Variants in CADM2 observed in about 807,000 individuals in gnomAD.
CADM2 encodes immunoglobulin superfamily member 4D.
In CADM2, 12 loss-of-function variants were observed where a neutral mutation model predicts 49.8. The ratio of observed to expected loss-of-function variants is 0.24; its 90% CI spans 0.15 to 0.39. CADM2 has a LOEUF of 0.39. Among genes scored for constraint, CADM2 ranks in the 10% least tolerant of loss-of-function variants. The probability of loss-of-function intolerance (pLI) is 1.00; values close to 1 mark genes in which losing one functional copy is unlikely to be tolerated. For synonymous variants in CADM2, 214 were observed against 175.4 expected, an observed-to-expected ratio of 1.22 and a Z score of -1.74; for missense variants, 378 against 492.3, an observed-to-expected ratio of 0.77 and a Z score of 2.20.
intron 8 of CADM2, among the ~76,000 whole-genome samples, chr3:86,040,032 A>G (rs1735666321): frequency 6.6e-6 from 1 of 152,234 alleles, no homozygotes; most frequent in African/African-American, 2.4e-5. Context: ...CCTGACTGTT[A>G]GAAGGAAAAC....
chr3:86,066,332 C>CAAAA lies in CADM2; in HGVS notation c.1097-310_1097-307dup, dbSNP rs10663610. Reference sequence around the variant, plus strand: ...TGGGCGAGAGAGCGAGACTCCGTCTCAAAAAAAAAAAAAAAAAAAAAAAAA... The same window carrying CAAAA: ...TGGGCGAGAGAGCGAGACTCCGTCTCAAAAAAAAAAAAAAAAAAAAAAAAAAAAA... On this transcript the variant is annotated intron_variant, in intron 9 of 9. Transcript: ENST00000383699. 6.9e-3 allele frequency among the ~76,000 whole-genome samples: 209 copies of CAAAA among 30,354 alleles called. 43 individuals are homozygous for CAAAA. The highest frequency in any genetic ancestry group is 0.021 in the African/African-American group (97 of 4,672). 19.9% of individuals were successfully genotyped at this position (30,354 alleles called of 152,430 possible).
At chr3:85,392,959 C>T (rs1328091753) in intron 1 of CADM2, among the ~76,000 whole-genome samples, 2 of 151,240 alleles carry the variant, frequency 1.3e-5, no homozygotes, top group Admixed American at 6.6e-5. Context: ...GATTCCTTGC[C>T]CTATTTAGTG....
intron 1 of CADM2, among the ~76,000 whole-genome samples, chr3:85,383,503 C>CATATATATATATATATATATAT (rs1241135851): frequency 1.6e-4 from 18 of 109,222 alleles, no homozygotes; most frequent in East Asian, 6.1e-4. Context: ...TACATAAAAC[C>CATATATATATATATATATATAT]ATATATATAT....
intron 1 of CADM2, among the ~76,000 whole-genome samples, chr3:85,530,907 C>CACACACAA (rs1488006418): frequency 7.6e-6 from 1 of 131,816 alleles, no homozygotes; most frequent in Non-Finnish European, 1.5e-5. Flanking sequence ...CACACACACA[C>CACACACAA]ACACACAAAA....
chr3:85,272,103 T>C (rs776357042), intron 1 of CADM2, among the ~76,000 whole-genome samples: 4 of 148,444 alleles, frequency 2.7e-5, no homozygotes, highest in Non-Finnish European at 6.0e-5. Context: ...AAAAAAAGGG[T>C]TTGCTGCTAA....
intron 1 of CADM2, among the ~76,000 whole-genome samples, chr3:85,694,128 C>T (rs1031507506): frequency 1.3e-5 from 2 of 151,994 alleles, no homozygotes; most frequent in African/African-American, 4.8e-5. Context: ...TTTTCTTTAT[C>T]ATCTTTTGTG....
chr3:85,190,118 G>A (rs2041173041), intron 1 of CADM2, among the ~76,000 whole-genome samples: 1 of 151,770 alleles, frequency 6.6e-6, no homozygotes, highest in Non-Finnish European at 1.5e-5. Context: ...GACATATTCT[G>A]ATCTTTAGAA....
At chr3:85,728,951 A>G (rs1049497364) in intron 2 of CADM2, among the ~76,000 whole-genome samples, 7 of 152,144 alleles carry the variant, frequency 4.6e-5, no homozygotes, top group African/African-American at 1.7e-4. Flanking sequence ...AATGTGAGTT[A>G]CTATACCAGT....
intron 1 of CADM2, among the ~76,000 whole-genome samples, chr3:85,618,152 G>A (rs994584185): frequency 1.3e-5 from 2 of 152,010 alleles, no homozygotes; most frequent in African/African-American, 4.8e-5. Context: ...AAAAGGCTTT[G>A]TGAAAAAAAT....
At chr3:85,488,777 C>A (rs2039539878) in intron 1 of CADM2, among the ~76,000 whole-genome samples, 1 of 152,084 alleles carries the variant, frequency 6.6e-6, no homozygotes, top group Non-Finnish European at 1.5e-5. Flanking sequence ...GATCTGCTCT[C>A]CTCGGCCTCC....
In CADM2 at chr3:86,056,065, G is replaced by A. The variant is rs186940130; in HGVS notation, c.971-9540G>A. 1.9e-4 allele frequency among the ~76,000 whole-genome samples: 29 copies of A among 152,158 alleles called. No homozygotes were observed. The East Asian group carries it at 3.7e-3, about 19-fold the overall frequency. ...AATCCAAAAACTTATTTTATTTTCC[G>A]TTTGATCACCTAGATAGCCTTTAAA... is the stretch of plus-strand genomic sequence containing the variant. On this transcript the variant is annotated intron_variant, in intron 8 of 9. Transcript: ENST00000383699.
At chr3:85,304,392 C>G (rs532992241) in intron 1 of CADM2, among the ~76,000 whole-genome samples, 3 of 151,826 alleles carry the variant, frequency 2.0e-5, no homozygotes, top group South Asian at 2.1e-4. Context: ...GGCTCTGTAA[C>G]TAAATGAAAC....
intron 1 of CADM2, among the ~76,000 whole-genome samples, chr3:85,552,672 G>A (rs373480331): frequency 7.1e-5 from 10 of 141,304 alleles, no homozygotes; most frequent in African/African-American, 2.4e-4. Flanking sequence ...GAGCCAATGC[G>A]CCCGGCCCTT....
At chr3:85,097,460 A>T (rs1172826515) in intron 1 of CADM2, among the ~76,000 whole-genome samples, 1 of 152,174 alleles carries the variant, frequency 6.6e-6, no homozygotes, top group Non-Finnish European at 1.5e-5. Flanking sequence ...CAATAAACAT[A>T]TGTGGGCATG....
intron 1 of CADM2, among the ~76,000 whole-genome samples, chr3:85,070,056 A>G (rs967296803): frequency 2.0e-5 from 3 of 151,956 alleles, no homozygotes; most frequent in African/African-American, 7.3e-5. Context: ...TTGTATTTTT[A>G]TTTTCAATAA....
chr3:85,802,741 A>G (rs1054524601), intron 3 of CADM2, among the ~76,000 whole-genome samples: 12 of 152,132 alleles, frequency 7.9e-5, no homozygotes, highest in African/African-American at 2.9e-4. Context: ...TTCATTAACT[A>G]ATTTCAACTT....
At chr3:85,448,332 CA>C (rs57338759) in intron 1 of CADM2, among the ~76,000 whole-genome samples, 156 of 129,030 alleles carry the variant, frequency 1.2e-3, no homozygotes, top group African/African-American at 4.1e-3. Flanking sequence ...GATTCCGTCT[CA>C]AAAAAAAAAA....
At chr3:85,879,692 C>T (rs766465834) in intron 3 of CADM2, among the ~76,000 whole-genome samples, 2 of 152,056 alleles carry the variant, frequency 1.3e-5, no homozygotes, top group Non-Finnish European at 2.9e-5. Context: ...GATTTATATG[C>T]AGTTGTAAGA....
At chr3:85,057,415 A>C (rs1307634369) in intron 1 of CADM2, among the ~76,000 whole-genome samples, 1 of 152,094 alleles carries the variant, frequency 6.6e-6, no homozygotes, top group East Asian at 1.9e-4. Flanking sequence ...ACATCAGGAC[A>C]GTCATAAAAA....
Sources: gnomAD v4.1 joint callset for allele counts (sites outside exome capture counted in the v4.1 genomes callset) on GRCh38, gnomAD v4.1.1 for gene constraint, MANE v1.5 for transcripts, NCBI Gene and HGNC (gene_info 2026-07-23, HGNC 2026-07-21) for gene names.